Variants in ATG2B observed in about 807,000 individuals in gnomAD.
ATG2B encodes autophagy related 2B.
ATG2B carries 121 observed loss-of-function variants against 241.3 expected under a neutral mutation model. That is an observed-to-expected ratio of 0.50 (90% CI 0.43 to 0.58). The LOEUF (loss-of-function observed/expected upper bound fraction) is 0.58, where lower values mean the gene tolerates loss of function less well. Ranked by LOEUF, ATG2B falls within the 20% of genes least tolerant of loss-of-function variation. The probability of loss-of-function intolerance (pLI) is 0.00; values close to 1 mark genes in which losing one functional copy is unlikely to be tolerated. For synonymous variants in ATG2B, 858 were observed against 876.6 expected, an observed-to-expected ratio of 0.98 and a Z score of 0.37; for missense variants, 2,306 against 2,491.6, an observed-to-expected ratio of 0.93 and a Z score of 1.59.
rs576730958 is a variant in ATG2B, at chr14:96,352,669, A to G, written c.163-5328T>C. On this transcript the variant is annotated intron_variant, in intron 1 of 41. Coordinates refer to ENST00000359933, the MANE Select transcript of ATG2B (RefSeq NM_018036.7). ...GCTTATAGCATAAGAATATAAAGAA[A>G]AAGTATTTTTGCATAGCTGTACAAT... 2.1e-5 allele frequency among the ~76,000 whole-genome samples: 3 copies of G among 142,442 alleles called. No individual in the cohort carries two copies. The South Asian group carries it at 6.2e-4, about 30-fold the overall frequency. The allele number at this position is 142,442 out of a possible 152,430, so 93.4% of individuals were successfully genotyped here. A position where few individuals can be genotyped will look rare whatever the true frequency, so the allele number is the denominator to read the frequency against.
chr14:96,316,929 CT>C lies in ATG2B; in HGVS notation c.3210+215del, dbSNP rs540916581. Among the ~76,000 whole-genome samples the C allele has an allele frequency of 9.7e-4, 147 of 152,268 alleles. 1 individual carries two copies. Among genetic ancestry groups the C allele is most frequent in the African/African-American group, 3.4e-3 (140 of 41,552 alleles). Reference sequence around the variant, plus strand: ...GTCACCCCAGAAGCAGAATTAGCACCTGTTTTCCAAAGGGAGAGCCCCACAA... The same window carrying C: ...GTCACCCCAGAAGCAGAATTAGCACCGTTTTCCAAAGGGAGAGCCCCACAA... On this transcript the variant is annotated intron_variant, in intron 20 of 41. Transcript: ENST00000359933.
intron 6 of ATG2B, among the ~76,000 whole-genome samples, chr14:96,338,491 T>C (rs1887924985): frequency 6.6e-6 from 1 of 152,084 alleles, no homozygotes; most frequent in Non-Finnish European, 1.5e-5. Flanking sequence ...AGAGTTTTTA[T>C]CATAAAGGGA....
chr14:96,288,796 G>C, intron 41 of ATG2B, among the ~76,000 whole-genome samples: 1 of 141,018 alleles, frequency 7.1e-6, no homozygotes. Flanking sequence ...GAATGACGCT[G>C]ACAACACCCA....
At position 96,328,423 on chromosome 14, in the gene ATG2B, A is replaced by G. The variant is rs201424014; in HGVS notation, c.2087T>C (p.Leu696Pro). 1.2e-6 allele frequency: 2 copies of G among 1,613,762 alleles called. No homozygotes were observed. Among genetic ancestry groups the G allele is most frequent in the Admixed American group, 1.7e-5 (1 of 59,992 alleles). Residue 696 changes from leucine to proline, a missense_variant, in exon 14 of 42, where the codon CTT becomes CCT. Coordinates refer to ENST00000359933, the MANE Select transcript of ATG2B (RefSeq NM_018036.7). ...TACTGTGGCAAGTTTCTGTGGTTGA[A>G]GCAAGGAATTTAACCTGTCCACAAT... is the stretch of plus-strand genomic sequence containing the variant. ...ISIVDRLNSL[L>P]QPQKLATVEM...
At chr14:96,303,399 A>G (rs1021358855) in intron 32 of ATG2B, 144 bp from the exon 33 acceptor site, 3 of 574,728 alleles carry the variant, frequency 5.2e-6, no homozygotes, top group Admixed American at 8.2e-5. Context: ...AAAACTCAAC[A>G]ACATGACATT....
Position 96,328,463 on chromosome 14 carries a change from C to G in ATG2B, c.2047G>C (p.Glu683Gln). 1 of 1,613,106 alleles carries G rather than the reference C, an allele frequency of 6.2e-7. No homozygotes were observed. The highest frequency in any genetic ancestry group is 8.5e-7 in the Non-Finnish European group (1 of 1,179,698). The change falls in exon 14 of 42, where the codon GAG (glutamate) becomes CAG (glutamine). Residue 683 changes from glutamate (E) to glutamine (Q), a missense_variant. Around this residue, in one of 2 missense-constraint regions of ATG2B, gnomAD observed 1,927 missense variants for 2,011.2 expected, o/e 0.96. Coordinates refer to ENST00000359933, the MANE Select transcript of ATG2B (RefSeq NM_018036.7). ...CTGTCCACAATACTGATATCCAGCT[C>G]ACAACACACTGGATTTAATTTAATT... ...LQIKLNPVCC[E>Q]LDISIVDRLN...
At chr14:96,333,957 C>G (rs1887807015) in intron 7 of ATG2B, 84 bp from the exon 8 acceptor site, 2 of 1,134,548 alleles carry the variant, frequency 1.8e-6, no homozygotes, top group East Asian at 2.4e-5. Context: ...ATTTATGGAA[C>G]AACAATGGCA....
chr14:96,354,239 A>G (rs1294512529), intron 1 of ATG2B, among the ~76,000 whole-genome samples: 1 of 152,192 alleles, frequency 6.6e-6, no homozygotes, highest in Non-Finnish European at 1.5e-5. Flanking sequence ...CCCATCACTT[A>G]GTATTAAGCC....
In ATG2B at chr14:96,284,574, A is replaced by G. The variant is rs1595287056; in HGVS notation, c.*1181T>C. ...CCTTTTCTTTCTGCTGGATCAATCTAAAGTCAGGAATTGACAACAATTTCC... is the reference window on the plus strand; with the variant it reads ...CCTTTTCTTTCTGCTGGATCAATCTGAAGTCAGGAATTGACAACAATTTCC... On this transcript the variant is annotated 3_prime_UTR_variant, in exon 42 of 42. Coordinates refer to ENST00000359933, the MANE Select transcript of ATG2B (RefSeq NM_018036.7). 8 of 152,320 alleles carry G rather than the reference A, an allele frequency of 5.3e-5. 1 individual carries two copies. Among genetic ancestry groups the G allele is most frequent in the African/African-American group, 4.8e-5 (2 of 41,572 alleles). 9.4% of individuals were successfully genotyped at this position (152,320 alleles called of 1,614,324 possible).
Position 96,323,836 on chromosome 14 carries a change from A to T in ATG2B, c.2540+60T>A, listed in dbSNP as rs79613939. The T allele has an allele frequency of 3.0e-3, 3,352 of 1,135,380 alleles. 87 individuals carry two copies. The African/African-American group carries it at 0.046, about 16-fold the overall frequency. The allele number at this position is 1,135,380 out of a possible 1,614,324, so 70.3% of individuals were successfully genotyped here. A position where few individuals can be genotyped will look rare whatever the true frequency, so the allele number is the denominator to read the frequency against. ...TATTTAATAGACAAAATGTTGGTTT[A>T]AAAGAATATTTTATTTTTAAAAGGA... On this transcript the variant is annotated intron_variant, in intron 16 of 41. Transcript: ENST00000359933.
chr14:96,290,200 T>C lies in ATG2B; in HGVS notation c.5856+236A>G, dbSNP rs1353618570. The C allele has an allele frequency of 8.4e-6, 11 of 1,309,012 alleles. No homozygotes were observed. Among genetic ancestry groups the C allele is most frequent in the East Asian group, 6.1e-5 (2 of 32,606 alleles). 81.1% of individuals were successfully genotyped at this position (1,309,012 alleles called of 1,614,324 possible). A position where few individuals can be genotyped will look rare whatever the true frequency, so the allele number is the denominator to read the frequency against. On this transcript the variant is annotated intron_variant, in intron 40 of 41. Transcript: ENST00000359933. This position sits in a 1 kb window ranked among gnomAD's most constrained non-coding sequence, Gnocchi z 4.4. ...TGAAATCAATCCTCTGCTAACTTAA[T>C]GTTTACAATTTACCTGAAATAGGCA...
chr14:96,363,215 G>T lies in ATG2B; in HGVS notation c.-239C>A, dbSNP rs994637128. On this transcript the variant is annotated 5_prime_UTR_variant, in exon 1 of 42. Coordinates refer to ENST00000359933, the MANE Select transcript of ATG2B (RefSeq NM_018036.7). ...GGCCCCAGGCCAGGGGACTTCCGAG[G>T]AGGGTCCCAACCGGCTCGGAGAGAG... The T allele has an allele frequency of 2.5e-5, 13 of 514,192 alleles. No individual in the cohort carries two copies. The highest frequency in any genetic ancestry group is 1.6e-4 in the African/African-American group (8 of 50,008). The allele number at this position is 514,192 out of a possible 1,614,324, so 31.9% of individuals were successfully genotyped here. A position where few individuals can be genotyped will look rare whatever the true frequency, so the allele number is the denominator to read the frequency against.
chr14:96,330,051 GA>G lies in ATG2B; in HGVS notation c.1731-418del, dbSNP rs34652288. Among the ~76,000 whole-genome samples, 441 of 134,760 alleles carry G rather than the reference GA, an allele frequency of 3.3e-3. 1 individual carries two copies. The highest frequency in any genetic ancestry group is 7.3e-3 in the African/African-American group (271 of 37,314). The allele number at this position is 134,760 out of a possible 152,430, so 88.4% of individuals were successfully genotyped here. Reference sequence around the variant, plus strand: ...ATGTTTGAAACTTTGTCAAAAATGGGAAAAAAAAAAAAAAAAGTCCAGGCAC... The same window carrying G: ...ATGTTTGAAACTTTGTCAAAAATGGGAAAAAAAAAAAAAAAGTCCAGGCAC... On this transcript the variant is annotated intron_variant, in intron 11 of 41. Coordinates refer to ENST00000359933, the MANE Select transcript of ATG2B (RefSeq NM_018036.7).
In ATG2B at chr14:96,290,420, C is replaced by A; in HGVS notation, c.5856+16G>T. The A allele has an allele frequency of 6.2e-7, 1 of 1,613,240 alleles. No homozygotes were observed. The highest frequency in any genetic ancestry group is 8.5e-7 in the Non-Finnish European group (1 of 1,179,462). Reference sequence around the variant, plus strand: ...ATGGCTCTTTTTGGATAGACTAAGGCAGTCTAAAAAGATACCTGTATGGTT... The same window carrying A: ...ATGGCTCTTTTTGGATAGACTAAGGAAGTCTAAAAAGATACCTGTATGGTT... On this transcript the variant is annotated intron_variant, in intron 40 of 41. Transcript: ENST00000359933. The surrounding 1 kb of genome is among the most constrained non-coding windows in gnomAD (Gnocchi z 4.4).
At position 96,334,382 on chromosome 14, in the gene ATG2B, TATA is replaced by T; in HGVS notation, c.1021+20_1021+22del. ...AAAATTTAAAAAAGTAACAAGTATA[TATA>T]ATAACAGAATTATACTTGCCTGGTC... On this transcript the variant is annotated intron_variant, in intron 7 of 41. Transcript: ENST00000359933. 1 of 1,487,924 alleles carries T rather than the reference TATA, an allele frequency of 6.7e-7. No individual in the cohort carries two copies. Among genetic ancestry groups the T allele is most frequent in the East Asian group, 2.3e-5 (1 of 43,584 alleles). 92.2% of individuals were successfully genotyped at this position (1,487,924 alleles called of 1,614,324 possible). A position where few individuals can be genotyped will look rare whatever the true frequency, so the allele number is the denominator to read the frequency against.
Position 96,289,487 on chromosome 14 carries a change from G to T in ATG2B, c.6006+169C>A. 1.4e-6 allele frequency: 1 copy of T among 734,264 alleles called. No homozygotes were observed. The highest frequency in any genetic ancestry group is 2.2e-6 in the Non-Finnish European group (1 of 450,160). 45.5% of individuals were successfully genotyped at this position (734,264 alleles called of 1,614,324 possible). A position where few individuals can be genotyped will look rare whatever the true frequency, so the allele number is the denominator to read the frequency against. On this transcript the variant is annotated intron_variant, in intron 41 of 41. Coordinates refer to ENST00000359933, the MANE Select transcript of ATG2B (RefSeq NM_018036.7). This position sits in a 1 kb window ranked among gnomAD's most constrained non-coding sequence, Gnocchi z 4.3. ...CTGTCAGCCTATTGGTCCCAGACTGGCCCTTTTCCATCACCTCACACAGAT... is the reference window on the plus strand; with the variant it reads ...CTGTCAGCCTATTGGTCCCAGACTGTCCCTTTTCCATCACCTCACACAGAT...
rs774035893 is a variant in ATG2B, at chr14:96,341,659, T to C, written c.787A>G (p.Ile263Val). 10 of 1,593,094 alleles carry C rather than the reference T, an allele frequency of 6.3e-6. No individual in the cohort carries two copies. The South Asian group carries it at 8.0e-5, about 13-fold the overall frequency. ...GTTAGCTGTGGGTGTGGCTCATAAA[T>C]AATTTTGGGGTTCCAGCTAGGTGAG... Reference protein sequence around the residue: ...KLSPSWNPKIIYEPHPQLTRN... With the variant: ...KLSPSWNPKIVYEPHPQLTRN... The change falls in exon 6 of 42, where the codon ATT becomes GTT. Residue 263 changes from isoleucine (I) to valine (V), a missense_variant. Ile to Val is a conservative substitution (Grantham distance 29). This residue lies in a region of ATG2B where 1,927 missense variants were observed against 2,011.2 expected (regional missense o/e 0.96). Transcript: ENST00000359933.
intron 6 of ATG2B, among the ~76,000 whole-genome samples, chr14:96,339,937 T>C (rs1308704677): frequency 6.6e-6 from 1 of 151,010 alleles, no homozygotes; most frequent in Non-Finnish European, 1.5e-5. Context: ...TTCCATATGA[T>C]TCAACAATTC....
intron 8 of ATG2B, 75 bp downstream of exon 8, chr14:96,333,613 A>G: frequency 7.1e-7 from 1 of 1,406,150 alleles, no homozygotes. Flanking sequence ...TTCTGTTCAC[A>G]GCAGCCAAAA....
Sources: allele counts gnomAD v4.1 joint callset (sites outside exome capture counted in the v4.1 genomes callset), GRCh38; gene constraint gnomAD v4.1.1; regional missense constraint gnomAD v4.1.1; non-coding constraint Gnocchi (gnomAD v3.1); transcripts MANE v1.5; gene names NCBI Gene and HGNC (gene_info 2026-07-23, HGNC 2026-07-21).